Variants in FLI1 observed in about 807,000 individuals in gnomAD.
FLI1 encodes Fli-1 proto-oncogene, ETS transcription factor.
FLI1 carries 13 observed loss-of-function variants against 53.1 expected under a neutral mutation model. The ratio of observed to expected loss-of-function variants is 0.24; its 90% confidence interval spans 0.16 to 0.39. The LOEUF is 0.39. Among genes scored for constraint, FLI1 ranks in the 10% least tolerant of loss-of-function variants. The pLI is 1.00. For missense variants in FLI1, 424 were observed against 600.5 expected (o/e 0.71, Z 3.07); for synonymous variants, 244 against 236.7 (o/e 1.03, Z -0.28).
intron 1 of FLI1, among the ~76,000 whole-genome samples, chr11:128,705,932 T>C (rs1938529632): frequency 6.6e-6 from 1 of 152,168 alleles, no homozygotes; most frequent in South Asian, 2.1e-4. Context: ...TTCTGTGTAA[T>C]GTCCCGATGA....
intron 4 of FLI1, among the ~76,000 whole-genome samples, chr11:128,774,846 T>C (rs601627): frequency 6.6e-6 from 1 of 151,906 alleles, no homozygotes; most frequent in African/African-American, 2.4e-5. Context: ...GGAACACAGA[T>C]GCTGAAGTGA....
chr11:128,762,716 G>C (rs1403787261), intron 2 of FLI1, among the ~76,000 whole-genome samples: 1 of 152,174 alleles, frequency 6.6e-6, no homozygotes, highest in Non-Finnish European at 1.5e-5. Context: ...CCAGCACTTT[G>C]GGAGGCCAAG....
At chr11:128,780,796 G>A (rs1391341921) in intron 4 of FLI1, among the ~76,000 whole-genome samples, 1 of 152,162 alleles carries the variant, frequency 6.6e-6, no homozygotes, top group Non-Finnish European at 1.5e-5. Context: ...AGTCCACTCG[G>A]CCACAGGGAG....
intron 4 of FLI1, among the ~76,000 whole-genome samples, chr11:128,780,029 A>G (rs1414744654): frequency 1.3e-5 from 2 of 152,226 alleles, no homozygotes; most frequent in Non-Finnish European, 2.9e-5. Flanking sequence ...CCGTTGTCGT[A>G]TATGTGGTCC....
At chr11:128,780,696 C>T (rs1226138613) in intron 4 of FLI1, among the ~76,000 whole-genome samples, 10 of 152,242 alleles carry the variant, frequency 6.6e-5, no homozygotes, top group African/African-American at 9.6e-5. Flanking sequence ...CTGGGTGAGG[C>T]GGCAACTCCA....
chr11:128,774,623 G>C (rs1354960392), intron 4 of FLI1, among the ~76,000 whole-genome samples: 1 of 152,196 alleles, frequency 6.6e-6, no homozygotes, highest in Non-Finnish European at 1.5e-5. Flanking sequence ...TTTGCCAGGA[G>C]TAGAGAGGAC....
At chr11:128,721,656 T>C (rs1335941493) in intron 1 of FLI1, among the ~76,000 whole-genome samples, 1 of 152,194 alleles carries the variant, frequency 6.6e-6, no homozygotes, top group African/African-American at 2.4e-5. Context: ...AGGGAGTTCC[T>C]ACATGAACCC....
intron 1 of FLI1, among the ~76,000 whole-genome samples, chr11:128,709,435 A>G (rs968176598): frequency 3.3e-5 from 5 of 152,144 alleles, no homozygotes; most frequent in Non-Finnish European, 7.4e-5. Context: ...CCAGTTAGTG[A>G]CTTATTCATA....
chr11:128,791,127 T>A (rs1239616337), intron 5 of FLI1, among the ~76,000 whole-genome samples: 1 of 152,148 alleles, frequency 6.6e-6, no homozygotes, highest in African/African-American at 2.4e-5. Flanking sequence ...TTCAGCTCTG[T>A]GGGACCGCTA....
At chr11:128,708,004 A>C (rs1353965524) in intron 1 of FLI1, among the ~76,000 whole-genome samples, 1 of 152,210 alleles carries the variant, frequency 6.6e-6, no homozygotes, top group African/African-American at 2.4e-5. Flanking sequence ...AACTGTTGAA[A>C]ATAATTGGAA....
At chr11:128,771,521 C>T (rs1476428233) in intron 3 of FLI1, among the ~76,000 whole-genome samples, 1 of 152,250 alleles carries the variant, frequency 6.6e-6, no homozygotes, top group Non-Finnish European at 1.5e-5. Flanking sequence ...TCTTGCCCCA[C>T]ATCCACTCCT....
At chr11:128,800,318 A>G (rs1227547810) in intron 5 of FLI1, among the ~76,000 whole-genome samples, 2 of 152,208 alleles carry the variant, frequency 1.3e-5, no homozygotes, top group Non-Finnish European at 2.9e-5. Context: ...GGGAAAATTC[A>G]TCTTTTTCCA....
chr11:128,714,717 T>TC (rs1177720895), intron 1 of FLI1, among the ~76,000 whole-genome samples: 1 of 148,986 alleles, frequency 6.7e-6, no homozygotes, highest in African/African-American at 2.5e-5. Context: ...GACCTTTTTT[T>TC]TTTTTTTTTT....
chr11:128,777,264 G>A (rs1352624142), intron 4 of FLI1, among the ~76,000 whole-genome samples: 1 of 152,168 alleles, frequency 6.6e-6, no homozygotes, highest in East Asian at 1.9e-4. Flanking sequence ...GGGGGAGGTG[G>A]GGAGGCAGAA....
At chr11:128,730,246 C>T (rs936620827) in intron 1 of FLI1, among the ~76,000 whole-genome samples, 3 of 152,214 alleles carry the variant, frequency 2.0e-5, no homozygotes, top group Non-Finnish European at 4.4e-5. Flanking sequence ...CCTCACAACC[C>T]TATTTTACAG....
intron 1 of FLI1, chr11:128,748,335 A>T: frequency 1.2e-6 from 1 of 853,148 alleles, no homozygotes; most frequent in African/African-American, 1.8e-5. Flanking sequence ...ATGATGTTCA[A>T]CAAGACTCCT....
chr11:128,765,078 G>A (rs989877967), intron 2 of FLI1, among the ~76,000 whole-genome samples: 7 of 152,062 alleles, frequency 4.6e-5, no homozygotes, highest in Non-Finnish European at 2.9e-5. Flanking sequence ...GGAGGGAAGC[G>A]GAACTGGGAG....
intron 7 of FLI1, 36 bp downstream of exon 7, chr11:128,807,275 C>T (rs764296639): frequency 1.5e-5 from 23 of 1,492,806 alleles, no homozygotes; most frequent in Non-Finnish European, 2.1e-5. Context: ...TCCTTTGCTT[C>T]CTGCACAGTT....
intron 1 of FLI1, among the ~76,000 whole-genome samples, chr11:128,715,907 A>G (rs1447276099): frequency 6.6e-6 from 1 of 152,216 alleles, no homozygotes; most frequent in Non-Finnish European, 1.5e-5. Context: ...GTATTGTTTA[A>G]AGGAAGCCAC....
Sources: gnomAD v4.1 joint callset for allele counts (sites outside exome capture counted in the v4.1 genomes callset) on GRCh38, gnomAD v4.1.1 for gene constraint, MANE v1.5 for transcripts, NCBI Gene and HGNC (gene_info 2026-07-23, HGNC 2026-07-21) for gene names.